The following SPOCK1 variants were observed in gnomAD, a reference collection of about 807,000 sequenced individuals.
SPOCK1 encodes the protein SPARC (osteonectin), cwcv and kazal like domains proteoglycan 1.
Under a neutral mutation model 55.3 loss-of-function variants are expected in SPOCK1, and 23 were observed. That is an observed-to-expected ratio of 0.42 (90% CI 0.30 to 0.59). SPOCK1 has a LOEUF of 0.59. Ranked by LOEUF, SPOCK1 falls within the 20% of genes least tolerant of loss-of-function variation. The pLI is 0.22. For synonymous variants in SPOCK1, 226 were observed against 221.0 expected (o/e 1.02, Z -0.20); for missense variants, 499 against 552.5 (o/e 0.90, Z 0.97).
intron 2 of SPOCK1, among the ~76,000 whole-genome samples, chr5:137,474,800 C>G (rs138607850): frequency 1.3e-5 from 2 of 152,242 alleles, no homozygotes; most frequent in African/African-American, 4.8e-5. Context: ...CAGGAGTCCA[C>G]AGTGTTACTA....
At chr5:137,433,044 G>A (rs1450625278) in intron 2 of SPOCK1, among the ~76,000 whole-genome samples, 4 of 152,184 alleles carry the variant, frequency 2.6e-5, no homozygotes, top group African/African-American at 9.6e-5. Context: ...CCCTGTGGAA[G>A]GCAAAAAGAT....
chr5:137,260,305 A>T (rs571168316), intron 3 of SPOCK1, among the ~76,000 whole-genome samples: 153 of 152,378 alleles, frequency 1.0e-3, no homozygotes, highest in African/African-American at 3.6e-3. Context: ...AACATCCATC[A>T]GTGGGGGAAT....
At chr5:137,405,434 C>A (rs1359428675) in intron 2 of SPOCK1, among the ~76,000 whole-genome samples, 1 of 152,172 alleles carries the variant, frequency 6.6e-6, no homozygotes, top group African/African-American at 2.4e-5. Flanking sequence ...AGCTGGCTGC[C>A]CGTTTCTCCT....
At chr5:137,253,156 G>A (rs753883350) in intron 3 of SPOCK1, among the ~76,000 whole-genome samples, 3 of 152,110 alleles carry the variant, frequency 2.0e-5, no homozygotes, top group African/African-American at 7.2e-5. Flanking sequence ...ACAAAAGAGG[G>A]CACCAACATC....
intron 2 of SPOCK1, among the ~76,000 whole-genome samples, chr5:137,471,696 A>G (rs944433868): frequency 6.6e-6 from 1 of 152,186 alleles, no homozygotes; most frequent in African/African-American, 2.4e-5. Context: ...TGGTTCCTGG[A>G]GGCCAGCAGT....
At chr5:137,094,904 A>G (rs1753115497) in intron 5 of SPOCK1, among the ~76,000 whole-genome samples, 1 of 152,228 alleles carries the variant, frequency 6.6e-6, no homozygotes. Flanking sequence ...GTCGCTAAGC[A>G]CGATCATTTC....
At chr5:137,041,338 G>A (rs1026946628) in intron 6 of SPOCK1, among the ~76,000 whole-genome samples, 13 of 152,256 alleles carry the variant, frequency 8.5e-5, no homozygotes, top group African/African-American at 3.1e-4. Flanking sequence ...CAAAATGGAT[G>A]ATAGGTCTAA....
intron 3 of SPOCK1, among the ~76,000 whole-genome samples, chr5:137,193,462 G>C (rs543960747): frequency 1.3e-5 from 2 of 152,270 alleles, no homozygotes; most frequent in South Asian, 2.1e-4. Flanking sequence ...CAGTGGAGAA[G>C]AAACATACAG....
chr5:137,306,756 A>C (rs1375917409), intron 2 of SPOCK1, among the ~76,000 whole-genome samples: 1 of 151,666 alleles, frequency 6.6e-6, no homozygotes, highest in Non-Finnish European at 1.5e-5. Context: ...ATAGCTTTTT[A>C]AAGTTTATAA....
At chr5:136,979,985 G>A (rs920066286) in intron 9 of SPOCK1, among the ~76,000 whole-genome samples, 1 of 152,128 alleles carries the variant, frequency 6.6e-6, no homozygotes, top group Non-Finnish European at 1.5e-5. Context: ...ACTGCACTTG[G>A]TTCTGACTAG....
chr5:137,363,264 A>C (rs956829892), intron 2 of SPOCK1, among the ~76,000 whole-genome samples: 1 of 152,094 alleles, frequency 6.6e-6, no homozygotes, highest in African/African-American at 2.4e-5. Flanking sequence ...GATACCAAAA[A>C]CTCACACCAC....
At chr5:137,417,092 CAT>C (rs768660176) in intron 2 of SPOCK1, among the ~76,000 whole-genome samples, 3 of 152,006 alleles carry the variant, frequency 2.0e-5, no homozygotes, top group Non-Finnish European at 4.4e-5. Context: ...TTTATATGCA[CAT>C]GTGTGTATAT....
chr5:137,370,454 A>G (rs187059312), intron 2 of SPOCK1, among the ~76,000 whole-genome samples: 5 of 152,320 alleles, frequency 3.3e-5, no homozygotes, highest in Admixed American at 3.3e-4. Flanking sequence ...AACCTTGCAT[A>G]TTTTGACTGA....
At chr5:137,129,691 C>T (rs946306047) in intron 4 of SPOCK1, among the ~76,000 whole-genome samples, 1 of 152,098 alleles carries the variant, frequency 6.6e-6, no homozygotes, top group Non-Finnish European at 1.5e-5. Context: ...GAAGATATCT[C>T]AAAAGATCAA....
chr5:137,162,105 C>T lies in SPOCK1; in HGVS notation c.233-21411G>A, dbSNP rs530612865. Among the ~76,000 whole-genome samples the T allele has an allele frequency of 1.5e-4, 22 of 151,518 alleles. No individual in the cohort carries two copies. The East Asian group carries it at 2.3e-3, about 16-fold the overall frequency. On this transcript the variant is annotated intron_variant, in intron 3 of 10. Transcript: ENST00000394945. ...GATGCCCCTTATCAATGTACCATTC[C>T]CATTTGTTCTAGTCTCTAATGCTTT...
intron 2 of SPOCK1, among the ~76,000 whole-genome samples, chr5:137,325,208 T>G (rs185875192): frequency 6.6e-6 from 1 of 152,170 alleles, no homozygotes; most frequent in Non-Finnish European, 1.5e-5. Context: ...AAGTTTTTGA[T>G]TGAAAAAACT....
At chr5:137,135,916 T>C (rs544640378) in intron 4 of SPOCK1, among the ~76,000 whole-genome samples, 76 of 152,346 alleles carry the variant, frequency 5.0e-4, no homozygotes, top group Non-Finnish European at 7.6e-4. Flanking sequence ...TGTTTCACAG[T>C]TTTTATCCAT....
At chr5:137,005,886 A>G (rs1008992588) in intron 6 of SPOCK1, among the ~76,000 whole-genome samples, 1 of 152,218 alleles carries the variant, frequency 6.6e-6, no homozygotes, top group Non-Finnish European at 1.5e-5. Flanking sequence ...TGGAATTTAC[A>G]TGTTTAAAAG....
At chr5:137,398,010 C>T (rs890541562) in intron 2 of SPOCK1, among the ~76,000 whole-genome samples, 1 of 152,058 alleles carries the variant, frequency 6.6e-6, no homozygotes, top group Non-Finnish European at 1.5e-5. Context: ...ACTAGGATGG[C>T]GATGGTAGGG....
Sources: gnomAD v4.1 joint callset for allele counts (sites outside exome capture counted in the v4.1 genomes callset) on GRCh38, gnomAD v4.1.1 for gene constraint, MANE v1.5 for transcripts, NCBI Gene and HGNC (gene_info 2026-07-23, HGNC 2026-07-21) for gene names.